CARHSP1: variants seen among roughly 807,000 people sequenced by gnomAD.
The protein encoded by CARHSP1 is calcium-regulated heat-stable protein 1.
A neutral mutation model predicts 12.5 loss-of-function variants in CARHSP1; 14 were observed. The ratio of observed to expected loss-of-function variants is 1.12; its 90% CI spans 0.74 to 1.75. The LOEUF is 1.75. Among genes scored for constraint, CARHSP1 ranks in the 40% most tolerant of loss-of-function variants. The probability of loss-of-function intolerance (pLI) is 0.00; values close to 1 mark genes in which losing one functional copy is unlikely to be tolerated. For synonymous variants in CARHSP1, 161 were observed against 82.0 expected, an observed-to-expected ratio of 1.96 and a Z score of -5.20; for missense variants, 343 against 201.6, an observed-to-expected ratio of 1.70 and a Z score of -4.25.
chr16:8,857,278 T>TTTTG lies in CARHSP1; in HGVS notation c.281+1071_281+1072insCAAA, dbSNP rs1567181208. Among the ~76,000 whole-genome samples, 347 of 116,744 alleles carry TTTTG rather than the reference T, an allele frequency of 3.0e-3. 9 individuals carry two copies. Among genetic ancestry groups the TTTTG allele is most frequent in the Middle Eastern group, 7.6e-3 (2 of 262 alleles). The allele number at this position is 116,744 out of a possible 152,430, so 76.6% of individuals were successfully genotyped here. On this transcript the variant is annotated intron_variant, in intron 3 of 3. Transcript: ENST00000311052. The stretch of plus-strand genomic sequence containing the variant: ...GGGCAGATCTGTTTTTTTTTTTTTT[T>TTTTG]TTTTTTTTTTTTTTTTTTTTTGAGA...
At chr16:8,855,558 T>C (rs2061073794) in intron 3 of CARHSP1, among the ~76,000 whole-genome samples, 2 of 152,196 alleles carry the variant, frequency 1.3e-5, no homozygotes, top group Admixed American at 6.5e-5. Flanking sequence ...CCTGGGACTT[T>C]TGATGCTGGA....
In CARHSP1 at chr16:8,857,279, T is replaced by TTTG. The variant is rs1567181214; in HGVS notation, c.281+1070_281+1071insCAA. Among the ~76,000 whole-genome samples the TTTG allele has an allele frequency of 4.8e-4, 57 of 119,846 alleles. 1 individual carries two copies. Among genetic ancestry groups the TTTG allele is most frequent in the African/African-American group, 7.2e-4 (23 of 31,958 alleles). The allele number at this position is 119,846 out of a possible 152,430, so 78.6% of individuals were successfully genotyped here. A position where few individuals can be genotyped will look rare whatever the true frequency, so the allele number is the denominator to read the frequency against. ...GGCAGATCTGTTTTTTTTTTTTTTT[T>TTTG]TTTTTTTTTTTTTTTTTTTTGAGAT... On this transcript the variant is annotated intron_variant, in intron 3 of 3. Transcript: ENST00000311052.
rs781101809 is a variant in CARHSP1, at chr16:8,855,071, G to A, written c.*93C>T. 25 of 1,021,300 alleles carry A rather than the reference G, an allele frequency of 2.4e-5. No homozygotes were observed. The highest frequency in any genetic ancestry group is 1.3e-4 in the South Asian group (6 of 44,654). The allele number at this position is 1,021,300 out of a possible 1,614,324, so 63.3% of individuals were successfully genotyped here. On this transcript the variant is annotated 3_prime_UTR_variant, in exon 4 of 4. Transcript: ENST00000311052. ...AGGGACCATGCCCGGCTGAAGCCCC[G>A]TCTCGTGTGGAAGAATGTCATCTCC...
At chr16:8,858,615 C>A (rs892475428) in intron 2 of CARHSP1, 143 bp from the exon 3 acceptor site, 1 of 1,007,900 alleles carries the variant, frequency 9.9e-7, no homozygotes. Flanking sequence ...GACTGCACAA[C>A]CCTCAACCCT....
intron 3 of CARHSP1, among the ~76,000 whole-genome samples, chr16:8,856,146 A>C (rs1458252874): frequency 6.6e-6 from 1 of 152,118 alleles, no homozygotes; most frequent in Non-Finnish European, 1.5e-5. Flanking sequence ...TTGGTGCATG[A>C]AGCTAGTTCC....
chr16:8,861,401 C>A (rs1280071251), intron 1 of CARHSP1, among the ~76,000 whole-genome samples: 1 of 151,720 alleles, frequency 6.6e-6, no homozygotes, highest in Non-Finnish European at 1.5e-5. Flanking sequence ...CTCTCACAAC[C>A]TTCAACCTCA....
chr16:8,858,912 T>TA, intron 2 of CARHSP1: 1 of 448,962 alleles, frequency 2.2e-6, no homozygotes, highest in Non-Finnish European at 4.0e-6. Context: ...CATGTGTGGT[T>TA]AAAGCCCAGC....
In CARHSP1 at chr16:8,855,024, C is replaced by G; in HGVS notation, c.*140G>C. 1 of 687,444 alleles carries G rather than the reference C, an allele frequency of 1.5e-6. No individual in the cohort carries two copies. 42.6% of individuals were successfully genotyped at this position (687,444 alleles called of 1,614,324 possible). On this transcript the variant is annotated 3_prime_UTR_variant, in exon 4 of 4. Coordinates refer to ENST00000311052, the MANE Select transcript of CARHSP1 (RefSeq NM_014316.4). ...CACCCCACACCTGCCCCCCATACCC[C>G]TTCCTCCAGGAGATACTTGAGAGGG...
chr16:8,861,061 A>AC (rs1302244650), intron 1 of CARHSP1, among the ~76,000 whole-genome samples: 1 of 149,544 alleles, frequency 6.7e-6, no homozygotes, highest in African/African-American at 2.5e-5. Flanking sequence ...AAAAAAAATA[A>AC]ATAACTTTTA....
At chr16:8,859,591 G>C (rs553102939) in intron 1 of CARHSP1, among the ~76,000 whole-genome samples, 1 of 151,728 alleles carries the variant, frequency 6.6e-6, no homozygotes, top group East Asian at 2.0e-4. Flanking sequence ...GGATGGCATC[G>C]GTCCCCTCTG....
intron 1 of CARHSP1, chr16:8,860,179 A>C (rs1027838025): frequency 1.0e-6 from 1 of 985,418 alleles, no homozygotes; most frequent in Middle Eastern, 5.2e-4. Flanking sequence ...TGGATCCCTG[A>C]GCAGCTGTCA....
intron 3 of CARHSP1, 63 bp from the exon 4 acceptor site, chr16:8,855,389 A>C: frequency 1.5e-6 from 2 of 1,370,980 alleles, no homozygotes; most frequent in African/African-American, 1.5e-5. Context: ...TCCCCAAGAC[A>C]CCAGCCACCC....
intron 3 of CARHSP1, among the ~76,000 whole-genome samples, chr16:8,857,270 T>TTTTTTG (rs1567181135): frequency 1.8e-3 from 23 of 13,132 alleles, no homozygotes; most frequent in South Asian, 2.9e-3. Context: ...TCTGTTTTTT[T>TTTTTTG]TTTTTTTTTT....
chr16:8,862,357 G>A (rs1182223858), intron 1 of CARHSP1, among the ~76,000 whole-genome samples: 9 of 152,030 alleles, frequency 5.9e-5, no homozygotes, highest in Admixed American at 5.9e-4. Context: ...GTCCGCCCAG[G>A]TCCAGTGAGC....
intron 3 of CARHSP1, chr16:8,857,444 C>A (rs368795936): frequency 2.8e-5 from 2 of 71,618 alleles, no homozygotes; most frequent in Non-Finnish European, 5.2e-5. Context: ...CATCATTCCC[C>A]GCTTTTTTTT....
At chr16:8,865,356 C>A (rs916809124) in intron 1 of CARHSP1, among the ~76,000 whole-genome samples, 3 of 152,156 alleles carry the variant, frequency 2.0e-5, no homozygotes, top group Non-Finnish European at 4.4e-5. Flanking sequence ...ATGATTTACC[C>A]GCTTCAGCCT....
intron 1 of CARHSP1, chr16:8,861,953 C>CCCT (rs964503812): frequency 8.7e-6 from 2 of 229,748 alleles, no homozygotes; most frequent in African/African-American, 4.7e-5. Context: ...TCCAAAGTCT[C>CCCT]CCTCCCTCCT....
chr16:8,860,774 G>C (rs1052463832), intron 1 of CARHSP1, among the ~76,000 whole-genome samples: 1 of 152,108 alleles, frequency 6.6e-6, no homozygotes, highest in African/African-American at 2.4e-5. Flanking sequence ...GCATGGGCCA[G>C]GTGCGGTGGC....
chr16:8,855,140 G>A lies in CARHSP1; in HGVS notation c.*24C>T, dbSNP rs770848683. ...CCTGCAAAGTCTCCCACAAGCACAG[G>A]ACAAGGGGTGCTTCCACCATCTCCT... is the stretch of plus-strand genomic sequence containing the variant. On this transcript the variant is annotated 3_prime_UTR_variant, in exon 4 of 4. Transcript: ENST00000311052. The A allele has an allele frequency of 6.4e-7, 1 of 1,558,036 alleles. No individual in the cohort carries two copies. The highest frequency in any genetic ancestry group is 1.4e-5 in the African/African-American group (1 of 73,280).
Sources: gnomAD v4.1 joint callset for allele counts (sites outside exome capture counted in the v4.1 genomes callset) on GRCh38, gnomAD v4.1.1 for gene constraint, MANE v1.5 for transcripts, NCBI Gene and HGNC (gene_info 2026-07-23, HGNC 2026-07-21) for gene names.